The following STYX variants were observed in gnomAD, a reference collection of about 807,000 sequenced individuals.
The protein encoded by STYX is serine/threonine/tyrosine interacting protein.
In STYX, 20 loss-of-function variants were observed where a neutral mutation model predicts 42.7. The ratio of observed to expected loss-of-function variants is 0.47; its 90% CI spans 0.33 to 0.68. The LOEUF (loss-of-function observed/expected upper bound fraction) is 0.68. STYX is among the 30% of genes least tolerant of loss of function. The pLI, the probability that STYX is intolerant of heterozygous loss-of-function variation, is 0.02. For synonymous variants in STYX, 78 were observed against 81.9 expected (o/e 0.95, Z 0.26); for missense variants, 226 against 268.5 (o/e 0.84, Z 1.11).
chr14:52,744,812 T>A (rs766983630), intron 1 of STYX, 40 bp from the exon 2 acceptor site: 6 of 1,604,892 alleles, frequency 3.7e-6, no homozygotes, highest in Middle Eastern at 3.3e-4. Flanking sequence ...GGTGACTTTT[T>A]AAATGTTATC....
At chr14:52,730,688 C>T (rs1235823353) in intron 1 of STYX, among the ~76,000 whole-genome samples, 157 bp downstream of exon 1, 2 of 152,208 alleles carry the variant, frequency 1.3e-5, no homozygotes, top group Non-Finnish European at 2.9e-5. Flanking sequence ...GGCTCCAATC[C>T]CCACTGAGTT....
intron 1 of STYX, among the ~76,000 whole-genome samples, chr14:52,733,743 A>G (rs1333622095): frequency 6.6e-6 from 1 of 152,234 alleles, no homozygotes; most frequent in East Asian, 1.9e-4. Context: ...TGTCACCAGT[A>G]GAGTCATGAT....
intron 4 of STYX, among the ~76,000 whole-genome samples, chr14:52,751,192 A>G (rs1467996276): frequency 6.6e-6 from 1 of 151,134 alleles, no homozygotes; most frequent in African/African-American, 2.4e-5. Context: ...TTATAGATAA[A>G]TTTTTTTTTA....
At chr14:52,731,443 T>C (rs1039716792) in intron 1 of STYX, among the ~76,000 whole-genome samples, 1 of 145,764 alleles carries the variant, frequency 6.9e-6, no homozygotes, top group Non-Finnish European at 1.5e-5. Context: ...CTTTTTTTTT[T>C]TTTTTTTTTT....
rs1199158173 is a variant in STYX, at chr14:52,755,129, T to TG, written c.243-1422_243-1421insG. 1.4e-3 allele frequency among the ~76,000 whole-genome samples: 216 copies of TG among 150,334 alleles called. 1 individual carries two copies. Among genetic ancestry groups the TG allele is most frequent in the African/African-American group, 4.6e-3 (186 of 40,540 alleles). On this transcript the variant is annotated intron_variant, in intron 4 of 10. Coordinates refer to ENST00000354586, the MANE Select transcript of STYX (RefSeq NM_145251.4). ...TTTTTGTTTGTTTTTTTGTTTTTTTTTTTTTGTTTTTGAAACAGAGTCTTG... is the reference window on the plus strand; with the variant it reads ...TTTTTGTTTGTTTTTTTGTTTTTTTTGTTTTTGTTTTTGAAACAGAGTCTTG...
intron 9 of STYX, among the ~76,000 whole-genome samples, chr14:52,763,408 T>G (rs576821041): frequency 1.9e-4 from 29 of 152,330 alleles, no homozygotes; most frequent in African/African-American, 7.0e-4. Flanking sequence ...TTTAGTGTTG[T>G]TTGCTGCTGC....
intron 1 of STYX, 32 bp downstream of exon 1, chr14:52,730,563 C>T: frequency 1.2e-6 from 2 of 1,608,830 alleles, no homozygotes; most frequent in Non-Finnish European, 1.7e-6. Context: ...CACGCACAGG[C>T]CTCTCCCTGT....
intron 8 of STYX, 128 bp downstream of exon 8, chr14:52,758,052 C>A: frequency 3.0e-6 from 3 of 1,007,948 alleles, no homozygotes; most frequent in Non-Finnish European, 2.9e-6. Flanking sequence ...TTTGATTAGG[C>A]AGGCCCTTAT....
intron 1 of STYX, 22 bp downstream of exon 1, chr14:52,730,553 C>G (rs755041386): frequency 4.3e-6 from 7 of 1,611,244 alleles, no homozygotes; most frequent in Non-Finnish European, 5.9e-6. Flanking sequence ...CCGTGGCTGC[C>G]ACGCACAGGC....
At chr14:52,730,558 A>G (rs1594859003) in intron 1 of STYX, 27 bp downstream of exon 1, 1 of 1,610,638 alleles carries the variant, frequency 6.2e-7, no homozygotes, top group African/African-American at 1.3e-5. Flanking sequence ...GCTGCCACGC[A>G]CAGGCCTCTC....
In STYX at chr14:52,772,036, A is replaced by G. The variant is rs1402870773; in HGVS notation, c.*930A>G. 6.6e-6 allele frequency: 1 copy of G among 152,528 alleles called. No homozygotes were observed. The highest frequency in any genetic ancestry group is 2.4e-5 in the African/African-American group (1 of 41,448). The allele number at this position is 152,528 out of a possible 1,614,324, so 9.4% of individuals were successfully genotyped here. Reference sequence around the variant, plus strand: ...TTATTTTTTTCTAAATGAAGCCCCAAAAAAGAAAAGTGCCTTGCATCATTT... The same window carrying G: ...TTATTTTTTTCTAAATGAAGCCCCAGAAAAGAAAAGTGCCTTGCATCATTT... On this transcript the variant is annotated 3_prime_UTR_variant, in exon 11 of 11. Transcript: ENST00000354586.
At chr14:52,739,918 A>G (rs544038663) in intron 1 of STYX, among the ~76,000 whole-genome samples, 14 of 152,066 alleles carry the variant, frequency 9.2e-5, no homozygotes, top group African/African-American at 2.7e-4. Flanking sequence ...CTGGGATTGC[A>G]GGTGTGAGCT....
chr14:52,733,895 A>G (rs935550903), intron 1 of STYX, among the ~76,000 whole-genome samples: 2 of 152,182 alleles, frequency 1.3e-5, no homozygotes, highest in African/African-American at 4.8e-5. Context: ...CTGCCCTAGC[A>G]GCACTCCCCC....
rs1882554855 is a variant in STYX at position 52,772,622 on chromosome 14, C to T, written c.*1516C>T. ...ATGATTTCTGTATGTTCCCTTGGTA[C>T]CAAGAGGTACTATGCAAAGTAACCT... On this transcript the variant is annotated 3_prime_UTR_variant, in exon 11 of 11. Coordinates refer to ENST00000354586, the MANE Select transcript of STYX (RefSeq NM_145251.4). The T allele has an allele frequency of 6.6e-6, 1 of 152,474 alleles. No individual in the cohort carries two copies. Among genetic ancestry groups the T allele is most frequent in the Non-Finnish European group, 1.5e-5 (1 of 68,010 alleles). The allele number at this position is 152,474 out of a possible 1,614,324, so 9.4% of individuals were successfully genotyped here.
At chr14:52,755,653 T>A (rs1566676384) in intron 4 of STYX, among the ~76,000 whole-genome samples, 1 of 150,810 alleles carries the variant, frequency 6.6e-6, no homozygotes, top group East Asian at 1.9e-4. Context: ...TTGTAAAGTG[T>A]AAAATTCAGT....
chr14:52,739,632 C>CTTTTTTTTTTTTTTTTTTTTT (rs58454717), intron 1 of STYX, among the ~76,000 whole-genome samples: 4 of 65,730 alleles, frequency 6.1e-5, no homozygotes, highest in Admixed American at 2.3e-4. Context: ...TCCTTTCTTT[C>CTTTTTTTTTTTTTTTTTTTTT]TTTTTTTTTT....
chr14:52,756,080 C>T, intron 4 of STYX, among the ~76,000 whole-genome samples: 1 of 152,058 alleles, frequency 6.6e-6, no homozygotes, highest in East Asian at 1.9e-4. Flanking sequence ...AGTGCAGTGG[C>T]CCAATCACAG....
chr14:52,740,947 C>G (rs1881164522), intron 1 of STYX, among the ~76,000 whole-genome samples: 1 of 152,154 alleles, frequency 6.6e-6, no homozygotes, highest in African/African-American at 2.4e-5. Context: ...TTTCTATCAA[C>G]ATAGATTAGT....
Position 52,753,036 on chromosome 14 carries a change from A to G in STYX, c.242+2256A>G, listed in dbSNP as rs796115169. Among the ~76,000 whole-genome samples, 276 of 130,154 alleles carry G rather than the reference A, an allele frequency of 2.1e-3. 2 individuals carry two copies. The highest frequency in any genetic ancestry group is 8.0e-3 in the African/African-American group (267 of 33,334). 85.4% of individuals were successfully genotyped at this position (130,154 alleles called of 152,430 possible). On this transcript the variant is annotated intron_variant, in intron 4 of 10. Transcript: ENST00000354586. ...GCTGGGATTACAGGCATGTGCCACCACACCCAGCTAATTTTTTTTTTTTTT... is the reference window on the plus strand; with the variant it reads ...GCTGGGATTACAGGCATGTGCCACCGCACCCAGCTAATTTTTTTTTTTTTT...
Sources: allele counts gnomAD v4.1 joint callset (sites outside exome capture counted in the v4.1 genomes callset), GRCh38; gene constraint gnomAD v4.1.1; transcripts MANE v1.5; gene names NCBI Gene and HGNC (gene_info 2026-07-23, HGNC 2026-07-21).